Variants in INSL6 observed in about 807,000 individuals in gnomAD.
INSL6 encodes insulin like 6, also known as insulin-like peptide INSL6.
In INSL6, 16 loss-of-function variants were observed where a neutral mutation model predicts 9.4. That is an observed-to-expected ratio of 1.70 (90% CI 1.15 to 2.59). The LOEUF (loss-of-function observed/expected upper bound fraction) is 2.59, where lower values mean the gene tolerates loss of function less well. Among genes scored for constraint, INSL6 ranks in the 30% most tolerant of loss-of-function variants. The probability of loss-of-function intolerance (pLI) is 0.00; values close to 1 mark genes in which losing one functional copy is unlikely to be tolerated. For missense variants in INSL6, 391 were observed against 257.3 expected, an observed-to-expected ratio of 1.52 and a Z score of -3.56; for synonymous variants, 154 against 96.9, an observed-to-expected ratio of 1.59 and a Z score of -3.46.
intron 1 of INSL6, among the ~76,000 whole-genome samples, chr9:5,173,093 C>A (rs1419853280): frequency 1.3e-5 from 2 of 152,038 alleles, no homozygotes; most frequent in East Asian, 1.9e-4. Flanking sequence ...GTCAGAATAG[C>A]AATTATTACA....
At chr9:5,147,386 C>T (rs1824620945) in intron 2 of INSL6, among the ~76,000 whole-genome samples, 1 of 152,118 alleles carries the variant, frequency 6.6e-6, no homozygotes, top group South Asian at 2.1e-4. Context: ...CTTTGTTATT[C>T]CAAGGGTAGC....
Position 5,131,435 on chromosome 9 carries a change from ATT to A in INSL6, c.*10+1988_*10+1989del, listed in dbSNP as rs550915336. Among the ~76,000 whole-genome samples the A allele has an allele frequency of 1.2e-3, 134 of 115,786 alleles. 5 individuals carry two copies. Among genetic ancestry groups the A allele is most frequent in the African/African-American group, 4.5e-3 (113 of 24,950 alleles). The allele number at this position is 115,786 out of a possible 152,430, so 76.0% of individuals were successfully genotyped here. ...AATTCTTTAACACCACCAGTTAACA[ATT>A]TTTTTTTTTTTTTTTTTGAGACAGA... is the stretch of plus-strand genomic sequence containing the variant. On this transcript the variant is annotated intron_variant, in intron 3 of 3. Coordinates refer to the INSL6 transcript ENST00000649639.
At chr9:5,118,483 C>T in the INSL6 span, among the ~76,000 whole-genome samples, 1 of 152,160 alleles carries the variant, frequency 6.6e-6, no homozygotes, top group African/African-American at 2.4e-5. Context: ...TACTAGGATA[C>T]AGTTTTCCAA....
chr9:5,170,433 AAAG>A (rs1314944367), intron 1 of INSL6, among the ~76,000 whole-genome samples: 4 of 152,154 alleles, frequency 2.6e-5, no homozygotes, highest in Non-Finnish European at 5.9e-5. Flanking sequence ...GTCACAACCA[AAAG>A]AAGTAGAGAA....
chr9:5,085,170 C>A, the INSL6 span: 2 of 650,980 alleles, frequency 3.1e-6, no homozygotes, highest in South Asian at 1.4e-5. Context: ...CTACATCTCC[C>A]GGCAAACTGA....
chr9:5,035,214 C>T, the INSL6 span, among the ~76,000 whole-genome samples: 1 of 152,174 alleles, frequency 6.6e-6, no homozygotes, highest in Non-Finnish European at 1.5e-5. Context: ...AGACCAATAA[C>T]AGGCTCTGAA....
chr9:5,140,341 A>G (rs1349351775), intron 2 of INSL6, among the ~76,000 whole-genome samples: 1 of 152,124 alleles, frequency 6.6e-6, no homozygotes, highest in African/African-American at 2.4e-5. Flanking sequence ...AATCATAATA[A>G]TGACACCACA....
At chr9:5,177,930 C>G (rs1825350105) in intron 1 of INSL6, among the ~76,000 whole-genome samples, 1 of 152,110 alleles carries the variant, frequency 6.6e-6, no homozygotes, top group Non-Finnish European at 1.5e-5. Flanking sequence ...GGCTGGAGTA[C>G]AGTGGCGTGA....
intron 1 of INSL6, among the ~76,000 whole-genome samples, chr9:5,178,523 A>C (rs1318538518): frequency 6.6e-6 from 1 of 152,142 alleles, no homozygotes; most frequent in African/African-American, 2.4e-5. Context: ...CAGAGCTCTG[A>C]TCTCACTCTG....
At chr9:5,058,488 C>G in the INSL6 span, among the ~76,000 whole-genome samples, 7 of 152,162 alleles carry the variant, frequency 4.6e-5, no homozygotes, top group African/African-American at 1.4e-4. Context: ...TCACCTCCCA[C>G]CATGTCCCTC....
At chr9:5,141,223 T>C (rs1824491185) in intron 2 of INSL6, among the ~76,000 whole-genome samples, 1 of 152,192 alleles carries the variant, frequency 6.6e-6, no homozygotes, top group African/African-American at 2.4e-5. Flanking sequence ...ATATACCCAG[T>C]AATGGAATTG....
chr9:5,030,943 A>C, the INSL6 span, among the ~76,000 whole-genome samples: 1 of 152,194 alleles, frequency 6.6e-6, no homozygotes, highest in Admixed American at 6.5e-5. Flanking sequence ...CAGCATTCTT[A>C]TATGCAAGCA....
At chr9:5,177,607 G>A (rs553825329) in intron 1 of INSL6, among the ~76,000 whole-genome samples, 2 of 152,346 alleles carry the variant, frequency 1.3e-5, no homozygotes, top group African/African-American at 4.8e-5. Flanking sequence ...AATCCAGGGA[G>A]CCAAGCAGTT....
the INSL6 span, among the ~76,000 whole-genome samples, chr9:5,040,118 T>C: frequency 6.6e-6 from 1 of 152,214 alleles, no homozygotes; most frequent in African/African-American, 2.4e-5. Flanking sequence ...TACAGATTAA[T>C]GGAAAGGAAT....
At chr9:5,100,733 G>T in the INSL6 span, 2 of 152,180 alleles carry the variant, frequency 1.3e-5, no homozygotes, top group East Asian at 1.9e-4. Context: ...TATCCATCAC[G>T]ATTACCTTAG....
chr9:5,131,008 C>T (rs1436649292), intron 3 of INSL6, among the ~76,000 whole-genome samples: 2 of 152,018 alleles, frequency 1.3e-5, no homozygotes, highest in Non-Finnish European at 2.9e-5. Flanking sequence ...GGATTACAGG[C>T]GTGAGCCACC....
At chr9:5,136,420 C>A (rs1314527821) in intron 2 of INSL6, among the ~76,000 whole-genome samples, 1 of 152,162 alleles carries the variant, frequency 6.6e-6, no homozygotes, top group Non-Finnish European at 1.5e-5. Flanking sequence ...AGCTTATCCA[C>A]CATGATCAAG....
chr9:5,052,236 T>G, the INSL6 span, among the ~76,000 whole-genome samples: 1 of 152,162 alleles, frequency 6.6e-6, no homozygotes, highest in Non-Finnish European at 1.5e-5. Context: ...ACAATCTTTC[T>G]ATGTAGATTG....
the INSL6 span, chr9:5,041,883 C>G: frequency 2.3e-6 from 1 of 426,976 alleles, no homozygotes; most frequent in Non-Finnish European, 4.5e-6. Context: ...CTCCAGCGCC[C>G]ATCAGGGCGC....
Sources: allele counts gnomAD v4.1 joint callset (sites outside exome capture counted in the v4.1 genomes callset), GRCh38; gene constraint gnomAD v4.1.1; transcripts MANE v1.5; gene names NCBI Gene and HGNC (gene_info 2026-07-23, HGNC 2026-07-21).